The following CDH13 variants were observed in gnomAD, a reference collection of about 807,000 sequenced individuals.
CDH13 encodes the protein cadherin 13.
A neutral mutation model predicts 63.8 loss-of-function variants in CDH13; 24 were observed. The ratio of observed to expected loss-of-function variants is 0.38; its 90% CI spans 0.27 to 0.53. The LOEUF (loss-of-function observed/expected upper bound fraction) is 0.53. CDH13 is among the 20% of genes least tolerant of loss of function. The pLI, the probability that CDH13 is intolerant of heterozygous loss-of-function variation, is 0.85. For missense variants in CDH13, 1,049 were observed against 903.1 expected, an observed-to-expected ratio of 1.16 and a Z score of -2.07; for synonymous variants, 503 against 355.3, an observed-to-expected ratio of 1.42 and a Z score of -4.67.
Position 83,090,153 on chromosome 16 carries a change from G to A in CDH13, c.367-35232G>A, listed in dbSNP as rs561374953. ...CAGCTTCCTCCTACCCCAGGTCCCA[G>A]CTTCTCCACTTCTCTCCAACTACCT... On this transcript the variant is annotated intron_variant, in intron 3 of 13. Transcript: ENST00000567109. Among the ~76,000 whole-genome samples, 23 of 152,254 alleles carry A rather than the reference G, an allele frequency of 1.5e-4. No individual in the cohort carries two copies. In the South Asian group the frequency reaches 4.6e-3, roughly 30 times the overall value.
At chr16:83,443,044 A>G (rs1406847622) in intron 6 of CDH13, among the ~76,000 whole-genome samples, 1 of 152,262 alleles carries the variant, frequency 6.6e-6, no homozygotes, top group Non-Finnish European at 1.5e-5. Flanking sequence ...GCCACTCTGC[A>G]GTGCTACAGC....
chr16:83,198,751 G>T (rs889795384), intron 4 of CDH13, among the ~76,000 whole-genome samples: 9 of 152,204 alleles, frequency 5.9e-5, no homozygotes, highest in Admixed American at 5.2e-4. Flanking sequence ...GCCTATAAAA[G>T]ATTCAACTCC....
chr16:83,602,950 C>T (rs567231299), intron 8 of CDH13, among the ~76,000 whole-genome samples: 8 of 152,096 alleles, frequency 5.3e-5, no homozygotes, highest in African/African-American at 1.9e-4. Context: ...TTTTTTCCAG[C>T]AAGTGCAGAT....
At chr16:83,566,029 T>C (rs369837459) in intron 7 of CDH13, among the ~76,000 whole-genome samples, 1 of 152,230 alleles carries the variant, frequency 6.6e-6, no homozygotes, top group East Asian at 1.9e-4. Context: ...AACGCAGGTG[T>C]GAGAAGCTTT....
At chr16:82,641,655 G>A (rs1328351023) in intron 1 of CDH13, among the ~76,000 whole-genome samples, 2 of 152,140 alleles carry the variant, frequency 1.3e-5, no homozygotes, top group African/African-American at 2.4e-5. Flanking sequence ...GATGTTTTAG[G>A]GACAGGAGAT....
At chr16:83,138,021 G>A (rs563917133) in intron 4 of CDH13, among the ~76,000 whole-genome samples, 69 of 152,208 alleles carry the variant, frequency 4.5e-4, no homozygotes, top group African/African-American at 1.6e-3. Context: ...GGGTATCTGC[G>A]CTTGGCCCAC....
In CDH13 at chr16:83,395,147, CA is replaced by C. The variant is rs56374797; in HGVS notation, c.781+50159del. The stretch of plus-strand genomic sequence containing the variant: ...TGGACGACAGAGCGAGACTCCATCT[CA>C]AAAAAAAAAAAAAAAAATAGCTGGG... On this transcript the variant is annotated intron_variant, in intron 6 of 13. Transcript: ENST00000567109. Among the ~76,000 whole-genome samples the C allele has an allele frequency of 9.2e-3, 978 of 106,674 alleles. 18 individuals carry two copies. Among genetic ancestry groups the C allele is most frequent in the African/African-American group, 0.034 (874 of 25,958 alleles). The allele number at this position is 106,674 out of a possible 152,430, so 70.0% of individuals were successfully genotyped here.
chr16:83,347,311 G>A (rs1035142104), intron 6 of CDH13, among the ~76,000 whole-genome samples: 7 of 116,658 alleles, frequency 6.0e-5, no homozygotes, highest in African/African-American at 2.3e-4. Flanking sequence ...ATGTGTTGTA[G>A]AAATTATTCG....
intron 1 of CDH13, among the ~76,000 whole-genome samples, chr16:82,672,051 A>ACT (rs950507748): frequency 6.6e-6 from 1 of 151,622 alleles, no homozygotes; most frequent in Non-Finnish European, 1.5e-5. Flanking sequence ...TCTCTTCTAC[A>ACT]CTCTCTCTCT....
chr16:83,306,363 C>T (rs1400212030), intron 5 of CDH13, among the ~76,000 whole-genome samples: 1 of 152,132 alleles, frequency 6.6e-6, no homozygotes, highest in African/African-American at 2.4e-5. Context: ...GGGCAGATGT[C>T]TCACAAATGC....
chr16:83,226,896 T>C (rs2039856849), intron 5 of CDH13, among the ~76,000 whole-genome samples: 2 of 152,212 alleles, frequency 1.3e-5, no homozygotes, highest in South Asian at 4.1e-4. Context: ...TAGCCATCTA[T>C]ATGCCTTCAG....
chr16:83,379,528 A>T (rs1483211879), intron 6 of CDH13, among the ~76,000 whole-genome samples: 2 of 152,186 alleles, frequency 1.3e-5, no homozygotes, highest in African/African-American at 4.8e-5. Context: ...ATATTTACCT[A>T]AGAGTTTGAT....
At chr16:82,668,747 C>T (rs1179066004) in intron 1 of CDH13, among the ~76,000 whole-genome samples, 2 of 152,120 alleles carry the variant, frequency 1.3e-5, no homozygotes, top group South Asian at 2.1e-4. Context: ...ACTTGGGCCT[C>T]CTGGAATGCT....
intron 5 of CDH13, among the ~76,000 whole-genome samples, chr16:83,317,998 G>A (rs957920342): frequency 2.0e-5 from 3 of 152,150 alleles, no homozygotes; most frequent in African/African-American, 4.8e-5. Context: ...TTGGCTTGTA[G>A]AGTTTAGCCA....
At chr16:83,236,924 T>C (rs893926772) in intron 5 of CDH13, among the ~76,000 whole-genome samples, 4 of 151,994 alleles carry the variant, frequency 2.6e-5, no homozygotes, top group African/African-American at 9.7e-5. Flanking sequence ...ACACTAAACA[T>C]GACTTTAAAA....
At chr16:82,846,934 G>C (rs2039282784) in intron 1 of CDH13, among the ~76,000 whole-genome samples, 2 of 152,136 alleles carry the variant, frequency 1.3e-5, no homozygotes, top group African/African-American at 2.4e-5. Flanking sequence ...GAGAGACAAT[G>C]CTTATTTATG....
chr16:83,245,619 C>T (rs1190999155), intron 5 of CDH13, among the ~76,000 whole-genome samples: 1 of 152,154 alleles, frequency 6.6e-6, no homozygotes, highest in African/African-American at 2.4e-5. Context: ...ATTGTAAATT[C>T]AAATTGTTTC....
intron 12 of CDH13, among the ~76,000 whole-genome samples, chr16:83,781,572 G>A (rs1915526319): frequency 6.6e-6 from 1 of 151,894 alleles, no homozygotes; most frequent in Non-Finnish European, 1.5e-5. Context: ...GCTTGTTATT[G>A]ATTCTATTTG....
chr16:83,624,030 C>CG (rs1177260911), intron 8 of CDH13, among the ~76,000 whole-genome samples: 1 of 152,126 alleles, frequency 6.6e-6, no homozygotes, highest in Non-Finnish European at 1.5e-5. Flanking sequence ...GGGGAGGTTC[C>CG]GGGGCTTTCC....
Sources: gnomAD v4.1 joint callset for allele counts (sites outside exome capture counted in the v4.1 genomes callset) on GRCh38, gnomAD v4.1.1 for gene constraint, MANE v1.5 for transcripts, NCBI Gene and HGNC (gene_info 2026-07-23, HGNC 2026-07-21) for gene names.